The following ALG1 variants were observed in gnomAD, a reference collection of about 807,000 sequenced individuals.
ALG1 encodes the protein ALG1 chitobiosyldiphosphodolichol beta-mannosyltransferase, also known as chitobiosyldiphosphodolichol beta-mannosyltransferase.
A neutral mutation model predicts 55.1 loss-of-function variants in ALG1; 58 were observed. The observed-to-expected ratio is 1.05, with a 90% CI of 0.85 to 1.31. The LOEUF (loss-of-function observed/expected upper bound fraction) is 1.31, where lower values mean the gene tolerates loss of function less well. ALG1 is among the 50% of genes most tolerant of loss of function. ALG1 has a pLI of 0.00. For synonymous variants in ALG1, 309 were observed against 247.0 expected, an observed-to-expected ratio of 1.25 and a Z score of -2.35; for missense variants, 761 against 598.6, an observed-to-expected ratio of 1.27 and a Z score of -2.83.
chr16:5,084,617 C>T (rs1187492408), intron 12 of ALG1, 133 bp from the exon 13 acceptor site: 15 of 1,411,030 alleles, frequency 1.1e-5, no homozygotes, highest in Middle Eastern at 2.4e-4. Flanking sequence ...TGAAGGGTCT[C>T]GAGTCCAAGT....
chr16:5,077,481 C>T lies in ALG1; in HGVS notation c.576C>T (p.Asn192=), dbSNP rs753304803. 2 of 1,614,180 alleles carry T rather than the reference C, an allele frequency of 1.2e-6. No individual in the cohort carries two copies. The highest frequency in any genetic ancestry group is 2.2e-5 in the South Asian group (2 of 91,082). The change falls in exon 5 of 13, where the codon AAC becomes AAT. Residue 192 remains asparagine (N), a synonymous_variant. Coordinates refer to ENST00000262374, the MANE Select transcript of ALG1 (RefSeq NM_019109.5). ...TCTTTGGGCGCCTGTCCCACCTGAA[C>T]CTGTGTGTTACCAATGCTATGCGAG... ...EKFFGRLSHL[N]LCVTNAMRED...
In ALG1 at chr16:5,077,913, G is replaced by T; in HGVS notation, c.636G>T (p.Val212=). 1 of 1,608,120 alleles carries T rather than the reference G, an allele frequency of 6.2e-7. No homozygotes were observed. The part of the protein sequence containing the change: ...DLADNWHIRA[V]TVYDKPASFF... ...CGTCATGATTTCATTGCAGGGCTGT[G>T]ACCGTCTACGACAAGCCCGCATCTT... Residue 212 remains valine (V), a synonymous_variant, in exon 6 of 13, where the codon GTG becomes GTT. Coordinates refer to ENST00000262374, the MANE Select transcript of ALG1 (RefSeq NM_019109.5).
In ALG1 at chr16:5,080,872, G is replaced by A. The variant is rs545697245; in HGVS notation, c.962-74G>A. 2,189 of 1,554,648 alleles carry A rather than the reference G, an allele frequency of 1.4e-3. 33 individuals carry two copies. The African/African-American group carries it at 0.024, about 17-fold the overall frequency. ...TGGGAAAGGGATCCCTCCTAGGGGG[G>A]AGTGTCTTGGGCCTGGGGCCACGTG... On this transcript the variant is annotated intron_variant, in intron 9 of 12. Transcript: ENST00000262374.
Position 5,073,247 on chromosome 16 carries a change from C to T in ALG1, c.381C>T (p.Ile127=), listed in dbSNP as rs746166207. The change falls in exon 3 of 13, where the codon ATC becomes ATT. Residue 127 remains isoleucine (I), a synonymous_variant. Coordinates refer to ENST00000262374, the MANE Select transcript of ALG1 (RefSeq NM_019109.5). The part of the protein sequence containing the change: ...KLMWREPGAY[I]FLQNPPGLPS... ...TGTGGAGGGAGCCAGGTGCCTATATCTTTCTCCAGGTGTGTATCAGCCTCT... is the reference window on the plus strand; with the variant it reads ...TGTGGAGGGAGCCAGGTGCCTATATTTTTCTCCAGGTGTGTATCAGCCTCT... The T allele has an allele frequency of 3.7e-6, 6 of 1,614,026 alleles. No homozygotes were observed. The highest frequency in any genetic ancestry group is 5.1e-6 in the Non-Finnish European group (6 of 1,179,964).
chr16:5,085,729 C>T lies in ALG1; in HGVS notation c.*848C>T, dbSNP rs772676442. 49 of 1,610,486 alleles carry T rather than the reference C, an allele frequency of 3.0e-5. No individual in the cohort carries two copies. In the Admixed American group the frequency reaches 4.2e-4, roughly 14 times the overall value. On this transcript the variant is annotated 3_prime_UTR_variant, in exon 13 of 13. Transcript: ENST00000262374. Reference sequence around the variant, plus strand: ...TTCCACTTCCCATCTGATCCCGGCCCGGCCTGGAAACAGAGCACATGTGTT... The same window carrying T: ...TTCCACTTCCCATCTGATCCCGGCCTGGCCTGGAAACAGAGCACATGTGTT...
chr16:5,075,937 G>A (rs544631457), intron 4 of ALG1, among the ~76,000 whole-genome samples: 1 of 152,186 alleles, frequency 6.6e-6, no homozygotes, highest in Non-Finnish European at 1.5e-5. Context: ...TGCCTGTTGA[G>A]GCCAGGGGGC....
rs566241465 is a variant in ALG1 at position 5,087,160 on chromosome 16, G to T, written c.*2279G>T. 6.6e-6 allele frequency: 1 copy of T among 152,114 alleles called. No homozygotes were observed. The highest frequency in any genetic ancestry group is 6.6e-5 in the Admixed American group (1 of 15,262). 9.4% of individuals were successfully genotyped at this position (152,114 alleles called of 1,614,324 possible). A position where few individuals can be genotyped will look rare whatever the true frequency, so the allele number is the denominator to read the frequency against. On this transcript the variant is annotated 3_prime_UTR_variant, in exon 13 of 13. Coordinates refer to ENST00000262374, the MANE Select transcript of ALG1 (RefSeq NM_019109.5). ...TCCCTGTGCCACACTGGAAGAAGAAGAATCGCCTTGGGCCACGCATAAAAT... is the reference window on the plus strand; with the variant it reads ...TCCCTGTGCCACACTGGAAGAAGAATAATCGCCTTGGGCCACGCATAAAAT...
chr16:5,078,727 C>G (rs1417155046), intron 6 of ALG1, 30 bp from the exon 7 acceptor site: 1 of 1,612,384 alleles, frequency 6.2e-7, no homozygotes, highest in Admixed American at 1.7e-5. Flanking sequence ...GCTCTATGGC[C>G]TCTCACAGGC....
intron 6 of ALG1, chr16:5,078,525 C>T (rs557364486): frequency 2.2e-5 from 17 of 772,520 alleles, no homozygotes; most frequent in East Asian, 1.1e-4. Flanking sequence ...CAGTAAGTCC[C>T]GTGGAGAAAA....
chr16:5,083,649 G>C (rs754220303), intron 11 of ALG1, 33 bp from the exon 12 acceptor site: 2 of 1,600,548 alleles, frequency 1.2e-6, no homozygotes, highest in South Asian at 1.1e-5. Flanking sequence ...TCTTCTACAG[G>C]CAGCTCTCAG....
chr16:5,076,856 G>A (rs375088741), intron 4 of ALG1, among the ~76,000 whole-genome samples: 1 of 141,462 alleles, frequency 7.1e-6, no homozygotes, highest in Non-Finnish European at 1.5e-5. Flanking sequence ...GTGCAATGGC[G>A]CCATCTCGGC....
In ALG1 at chr16:5,082,631, T is replaced by C. The variant is rs1596261268; in HGVS notation, c.1145T>C (p.Met382Thr). The C allele has an allele frequency of 1.2e-6, 2 of 1,611,976 alleles. No homozygotes were observed. Among genetic ancestry groups the C allele is most frequent in the Non-Finnish European group, 1.7e-6 (2 of 1,179,854 alleles). The change falls in exon 11 of 13, where the codon ATG (methionine) becomes ACG (threonine). Residue 382 changes from methionine (M) to threonine (T), a missense_variant. By Grantham distance (81) the Met-to-Thr change is moderately conservative. Coordinates refer to ENST00000262374, the MANE Select transcript of ALG1 (RefSeq NM_019109.5). Reference protein sequence around the residue: ...GLDLPMKVVDMFGCCLPVCAV... With the variant: ...GLDLPMKVVDTFGCCLPVCAV... ...GACCTGCCCATGAAGGTGGTGGACA[T>C]GTTCGGGTGCTGTTTGCCTGTGTGT...
At chr16:5,079,498 T>C (rs1472419183) in intron 8 of ALG1, among the ~76,000 whole-genome samples, 6 of 152,190 alleles carry the variant, frequency 3.9e-5, no homozygotes. Flanking sequence ...GAGACCAACC[T>C]GGCCAACAGG....
chr16:5,076,125 C>T (rs1019204539), intron 4 of ALG1, among the ~76,000 whole-genome samples: 1 of 152,156 alleles, frequency 6.6e-6, no homozygotes, highest in Non-Finnish European at 1.5e-5. Context: ...AGCAGTGGGA[C>T]GTGGAGCTGG....
Position 5,079,064 on chromosome 16 carries a change from A to C in ALG1, c.863A>C (p.Glu288Ala), listed in dbSNP as rs776908571. 1 of 1,600,722 alleles carries C rather than the reference A, an allele frequency of 6.2e-7. No homozygotes were observed. Among genetic ancestry groups the C allele is most frequent in the Non-Finnish European group, 8.5e-7 (1 of 1,179,688 alleles). ...ALLVSSTSWT[E>A]DEDFSILLAA... ...CTGACATTCAATTCTCTTCTCATAGAGGACGAAGACTTCTCCATCCTGCTG... is the reference window on the plus strand; with the variant it reads ...CTGACATTCAATTCTCTTCTCATAGCGGACGAAGACTTCTCCATCCTGCTG... The change falls in exon 8 of 13, where the codon GAG becomes GCG. Residue 288 changes from glutamate (E) to alanine (A), a missense_variant and splice_region_variant. Coordinates refer to ENST00000262374, the MANE Select transcript of ALG1 (RefSeq NM_019109.5).
chr16:5,081,530 A>G (rs1273329054), intron 10 of ALG1, among the ~76,000 whole-genome samples: 1 of 152,198 alleles, frequency 6.6e-6, no homozygotes, highest in Non-Finnish European at 1.5e-5. Flanking sequence ...GAGTGAGCAG[A>G]GCAGTTGGAG....
intron 4 of ALG1, among the ~76,000 whole-genome samples, chr16:5,076,419 G>A (rs981189649): frequency 9.2e-5 from 14 of 152,312 alleles, no homozygotes; most frequent in Non-Finnish European, 1.6e-4. Context: ...ATTTTACCCT[G>A]TTCAATCTCT....
chr16:5,071,877 G>T lies in ALG1; in HGVS notation c.28G>T (p.Ala10Ser). 1 of 1,604,562 alleles carries T rather than the reference G, an allele frequency of 6.2e-7. No homozygotes were observed. The highest frequency in any genetic ancestry group is 1.1e-5 in the South Asian group (1 of 90,304). ...GGCGGCCTCATGCTTGGTCCTGCTG[G>T]CGCTGTGTCTGCTGCTGCCGCTGCT... is the stretch of plus-strand genomic sequence containing the variant. MAASCLVLL[A>S]LCLLLPLLLL... The change falls in exon 1 of 13, where the codon GCG becomes TCG. Residue 10 changes from alanine to serine, a missense_variant. Physicochemically the swap from Ala to Ser is moderately conservative, Grantham distance 99 (BLOSUM62 1). Transcript: ENST00000262374.
At chr16:5,083,567 GT>G (rs1369014331) in intron 11 of ALG1, 114 bp from the exon 12 acceptor site, 35 of 1,572,516 alleles carry the variant, frequency 2.2e-5, no homozygotes, top group Non-Finnish European at 2.7e-5. Flanking sequence ...CACACCCCCT[GT>G]TCCAACCCCC....
Sources: gnomAD v4.1 joint callset for allele counts (sites outside exome capture counted in the v4.1 genomes callset) on GRCh38, gnomAD v4.1.1 for gene constraint, MANE v1.5 for transcripts, NCBI Gene and HGNC (gene_info 2026-07-23, HGNC 2026-07-21) for gene names.